The following CDH12 variants were observed in gnomAD, a reference collection of about 807,000 sequenced individuals.
CDH12 encodes the protein cadherin 12, also known as cadherin-12.
CDH12 carries 41 observed loss-of-function variants against 74.1 expected under a neutral mutation model. That is an observed-to-expected ratio of 0.55 (90% CI 0.43 to 0.72). The LOEUF (loss-of-function observed/expected upper bound fraction) is 0.72, where lower values mean the gene tolerates loss of function less well. Ranked by LOEUF, CDH12 falls within the 30% of genes least tolerant of loss-of-function variation. The pLI is 0.00. For missense variants in CDH12, 945 were observed against 977.2 expected (o/e 0.97, Z 0.44); for synonymous variants, 399 against 355.0 (o/e 1.12, Z -1.39).
At chr5:22,104,809 T>C (rs529197336) in intron 4 of CDH12, among the ~76,000 whole-genome samples, 1 of 152,188 alleles carries the variant, frequency 6.6e-6, no homozygotes, top group South Asian at 2.1e-4. Flanking sequence ...TATCTCTTTT[T>C]CAGTGAGAGA....
intron 6 of CDH12, among the ~76,000 whole-genome samples, chr5:21,928,578 A>G (rs1393894064): frequency 1.3e-5 from 2 of 152,342 alleles, no homozygotes; most frequent in East Asian, 1.9e-4. Context: ...GCAGTGATGT[A>G]TGAGGATTAG....
In CDH12 at chr5:22,412,499, T is replaced by C. The variant is rs1743206252; in HGVS notation, c.-427-7148A>G. 2.0e-5 allele frequency among the ~76,000 whole-genome samples: 3 copies of C among 152,094 alleles called. No homozygotes were observed. In the South Asian group the frequency reaches 6.2e-4, roughly 32 times the overall value. On this transcript the variant is annotated intron_variant, in intron 2 of 14. Coordinates refer to ENST00000382254, the MANE Select transcript of CDH12 (RefSeq NM_004061.5). Reference sequence around the variant, plus strand: ...CCTCCATAAGCTAAACACTTTTTCTTTATCAAAACAGTTATTTGTGATTTT... The same window carrying C: ...CCTCCATAAGCTAAACACTTTTTCTCTATCAAAACAGTTATTTGTGATTTT...
intron 1 of CDH12, among the ~76,000 whole-genome samples, chr5:22,571,859 C>G (rs144169898): frequency 1.3e-5 from 2 of 152,162 alleles, no homozygotes; most frequent in Admixed American, 1.3e-4. Context: ...TGGTTCATGG[C>G]ACTACAAAAC....
At chr5:22,648,277 C>T (rs1739543976) in intron 1 of CDH12, among the ~76,000 whole-genome samples, 1 of 151,876 alleles carries the variant, frequency 6.6e-6, no homozygotes, top group South Asian at 2.1e-4. Context: ...TCATCCCACT[C>T]TCTTCTACTA....
At chr5:22,535,120 T>C (rs549686100) in intron 1 of CDH12, among the ~76,000 whole-genome samples, 12 of 139,940 alleles carry the variant, frequency 8.6e-5, no homozygotes, top group South Asian at 7.0e-4. Flanking sequence ...TACAGACGCC[T>C]GCCACCATGC....
intron 5 of CDH12, among the ~76,000 whole-genome samples, chr5:22,040,328 C>A (rs1292584487): frequency 6.6e-6 from 1 of 151,980 alleles, no homozygotes; most frequent in Non-Finnish European, 1.5e-5. Context: ...ATTAAATGCA[C>A]AAACATTTGC....
chr5:22,739,790 T>G (rs1292948018), intron 1 of CDH12, among the ~76,000 whole-genome samples: 2 of 152,060 alleles, frequency 1.3e-5, no homozygotes, highest in African/African-American at 4.8e-5. Flanking sequence ...GTATTTAACA[T>G]TAGTGTGAAC....
At chr5:22,008,329 A>C (rs1236012320) in intron 5 of CDH12, among the ~76,000 whole-genome samples, 3 of 151,968 alleles carry the variant, frequency 2.0e-5, no homozygotes, top group Non-Finnish European at 2.9e-5. Context: ...TCCTGGGTTC[A>C]AGCAAATCTC....
intron 5 of CDH12, among the ~76,000 whole-genome samples, chr5:21,985,633 T>G (rs1321788962): frequency 2.6e-5 from 4 of 152,162 alleles, no homozygotes; most frequent in African/African-American, 9.6e-5. Flanking sequence ...AAGAAAATTT[T>G]GCGTGAGTTT....
intron 8 of CDH12, among the ~76,000 whole-genome samples, chr5:21,817,912 AC>A (rs773920429): frequency 6.6e-6 from 1 of 152,108 alleles, no homozygotes; most frequent in East Asian, 1.9e-4. Context: ...CTTAGATAAA[AC>A]ATTTCAGAAT....
chr5:21,843,948 A>G (rs1750018715), intron 7 of CDH12, among the ~76,000 whole-genome samples: 1 of 152,130 alleles, frequency 6.6e-6, no homozygotes, highest in African/African-American at 2.4e-5. Context: ...ATTCATTTTC[A>G]ATAAGAAAAT....
intron 1 of CDH12, among the ~76,000 whole-genome samples, chr5:22,516,250 T>G (rs932885523): frequency 3.9e-5 from 6 of 152,138 alleles, no homozygotes; most frequent in African/African-American, 1.4e-4. Flanking sequence ...AGCCCTCCAA[T>G]ACAAATAATT....
intron 1 of CDH12, among the ~76,000 whole-genome samples, chr5:22,616,844 T>C (rs1737714506): frequency 6.6e-6 from 1 of 151,892 alleles, no homozygotes; most frequent in Non-Finnish European, 1.5e-5. Context: ...AGAGCCTTTG[T>C]GAATGGAATT....
intron 6 of CDH12, among the ~76,000 whole-genome samples, chr5:21,890,691 G>A (rs945292508): frequency 1.3e-5 from 2 of 152,020 alleles, no homozygotes; most frequent in Non-Finnish European, 2.9e-5. Flanking sequence ...TACATACATA[G>A]GCTTTGCAGC....
intron 6 of CDH12, among the ~76,000 whole-genome samples, chr5:21,959,752 CAAAAAAAAAAAA>C (rs1176227757): frequency 1.2e-5 from 1 of 80,822 alleles, no homozygotes; most frequent in Non-Finnish European, 2.5e-5. Context: ...TACTAAAATC[CAAAAAAAAAAAA>C]AAAAAAAAAA....
chr5:22,790,803 G>T (rs1339351403), intron 1 of CDH12, among the ~76,000 whole-genome samples: 2 of 152,086 alleles, frequency 1.3e-5, no homozygotes, highest in African/African-American at 2.4e-5. Flanking sequence ...CCCACTGCTT[G>T]GTGGCAAGGA....
chr5:22,274,359 C>G (rs1164622008), intron 3 of CDH12, among the ~76,000 whole-genome samples: 2 of 152,146 alleles, frequency 1.3e-5, no homozygotes, highest in East Asian at 3.9e-4. Flanking sequence ...AAATTTTAAT[C>G]TAATTAAACA....
chr5:22,073,223 T>C (rs1742076998), intron 5 of CDH12, among the ~76,000 whole-genome samples: 1 of 152,096 alleles, frequency 6.6e-6, no homozygotes, highest in African/African-American at 2.4e-5. Context: ...GAAACTAGGG[T>C]TTATATATGT....
chr5:22,355,965 A>G (rs1740548294), intron 3 of CDH12, among the ~76,000 whole-genome samples: 1 of 152,216 alleles, frequency 6.6e-6, no homozygotes, highest in Non-Finnish European at 1.5e-5. Context: ...TGCATATGCC[A>G]TCACTGGCCT....
Sources: allele counts gnomAD v4.1 joint callset (sites outside exome capture counted in the v4.1 genomes callset), GRCh38; gene constraint gnomAD v4.1.1; transcripts MANE v1.5; gene names NCBI Gene and HGNC (gene_info 2026-07-23, HGNC 2026-07-21).